The following SYCP2L variants were observed in gnomAD, a reference collection of about 807,000 sequenced individuals.
The protein encoded by SYCP2L is synaptonemal complex protein 2-like.
Under a neutral mutation model 125.8 loss-of-function variants are expected in SYCP2L, and 98 were observed. The observed-to-expected ratio is 0.78, with a 90% CI of 0.66 to 0.92. The LOEUF (loss-of-function observed/expected upper bound fraction) is 0.92. SYCP2L is among the 40% of genes least tolerant of loss of function. The pLI is 0.00. For synonymous variants in SYCP2L, 317 were observed against 325.4 expected (o/e 0.97, Z 0.28); for missense variants, 842 against 936.4 (o/e 0.90, Z 1.32).
At chr6:10,964,983 G>A (rs1262919395) in intron 29 of SYCP2L, among the ~76,000 whole-genome samples, 9 of 152,202 alleles carry the variant, frequency 5.9e-5, no homozygotes, top group Non-Finnish European at 8.8e-5. Context: ...GACTCTCAAC[G>A]AGGTAAGACT....
At chr6:10,943,947 C>G (rs921894204) in intron 23 of SYCP2L, among the ~76,000 whole-genome samples, 1 of 152,062 alleles carries the variant, frequency 6.6e-6, no homozygotes, top group Non-Finnish European at 1.5e-5. Context: ...AAAATCCATT[C>G]CAGTGCTGTG....
chr6:10,956,728 G>C (rs1781508174), intron 25 of SYCP2L, among the ~76,000 whole-genome samples: 1 of 152,180 alleles, frequency 6.6e-6, no homozygotes, highest in African/African-American at 2.4e-5. Flanking sequence ...CTCCCAAAGT[G>C]CTGAGATTAC....
At position 10,903,314 on chromosome 6, in the gene SYCP2L, C is replaced by T. The variant is rs1005794482; in HGVS notation, c.641+351C>T. Among the ~76,000 whole-genome samples, 14 of 152,094 alleles carry T rather than the reference C, an allele frequency of 9.2e-5. No individual in the cohort carries two copies. The East Asian group carries it at 2.3e-3, about 25-fold the overall frequency. ...CTGTAATCCCAGCGCTTTGGGAGGC[C>T]AAGGCGGGTGGATCACGAGGTCAGG... On this transcript the variant is annotated intron_variant, in intron 8 of 29. Coordinates refer to ENST00000283141, the MANE Select transcript of SYCP2L (RefSeq NM_001040274.3).
chr6:10,959,194 A>C (rs539751017), intron 26 of SYCP2L, among the ~76,000 whole-genome samples: 70 of 152,376 alleles, frequency 4.6e-4, no homozygotes, highest in African/African-American at 1.6e-3. Flanking sequence ...TGCTATATCC[A>C]TACAATGGTC....
intron 14 of SYCP2L, among the ~76,000 whole-genome samples, chr6:10,916,615 A>G (rs1780699005): frequency 6.6e-6 from 1 of 152,080 alleles, no homozygotes; most frequent in Non-Finnish European, 1.5e-5. Context: ...ATTTCCATGT[A>G]TTTGCATGGT....
chr6:10,967,181 T>TA, intron 29 of SYCP2L, among the ~76,000 whole-genome samples: 1 of 152,210 alleles, frequency 6.6e-6, no homozygotes, highest in Admixed American at 6.5e-5. Context: ...CCTTAATTTA[T>TA]AAAAAATACA....
Position 10,902,911 on chromosome 6 carries a change from C to T in SYCP2L, c.589C>T (p.Pro197Ser). ...TTTTAACTGCATTTTGCACGCTGTC[C>T]CTCGAGAAGAGAGAAAAAAATTCCC... ...KTFNCILHAV[P>S]REERKKFPLS... Residue 197 changes from proline (P) to serine (S), a missense_variant, in exon 8 of 30, where the codon CCT becomes TCT. Transcript: ENST00000283141. 6.2e-7 allele frequency: 1 copy of T among 1,614,076 alleles called. No individual in the cohort carries two copies.
chr6:10,939,392 A>C (rs146383917), intron 21 of SYCP2L, among the ~76,000 whole-genome samples: 2,834 of 152,318 alleles, frequency 0.019, 92 homozygotes, highest in African/African-American at 0.065. Flanking sequence ...ATTTATATGG[A>C]ACCACAAAAG....
At position 10,889,871 on chromosome 6, in the gene SYCP2L, C is replaced by T. The variant is rs1229087332; in HGVS notation, c.10-1642C>T. Among the ~76,000 whole-genome samples, 7 of 152,178 alleles carry T rather than the reference C, an allele frequency of 4.6e-5. No individual in the cohort carries two copies. In the East Asian group the frequency reaches 5.8e-4, roughly 13 times the overall value. On this transcript the variant is annotated intron_variant, in intron 1 of 29. Transcript: ENST00000283141. ...CTGACCTCAGGTGATCCACCCACCT[C>T]GGCCACCCAAAGTGCTGGGATTACA...
intron 21 of SYCP2L, among the ~76,000 whole-genome samples, chr6:10,937,346 A>G (rs936304741): frequency 6.6e-6 from 1 of 152,238 alleles, no homozygotes; most frequent in African/African-American, 2.4e-5. Flanking sequence ...CCGAATAACC[A>G]ATGGATCAAA....
In SYCP2L at chr6:10,898,145, A is replaced by G. The variant is rs115148455; in HGVS notation, c.441+30A>G. ...GGATGGGATGGATGCTTCACTGAGC[A>G]GATGCCATTGGTAATTGGCAGGAAT... On this transcript the variant is annotated intron_variant, in intron 5 of 29. Coordinates refer to ENST00000283141, the MANE Select transcript of SYCP2L (RefSeq NM_001040274.3). 5,248 of 1,453,260 alleles carry G rather than the reference A, an allele frequency of 3.6e-3. 166 individuals are homozygous for G. In the African/African-American group the frequency reaches 0.063, roughly 17 times the overall value. 90.0% of individuals were successfully genotyped at this position (1,453,260 alleles called of 1,614,324 possible).
At chr6:10,972,566 A>G (rs1394471736) in intron 29 of SYCP2L, among the ~76,000 whole-genome samples, 1 of 152,134 alleles carries the variant, frequency 6.6e-6, no homozygotes, top group East Asian at 1.9e-4. Flanking sequence ...GTGACTTGGG[A>G]ATTTTATAAT....
intron 23 of SYCP2L, among the ~76,000 whole-genome samples, chr6:10,948,316 T>C (rs942701004): frequency 2.6e-5 from 4 of 152,156 alleles, no homozygotes; most frequent in African/African-American, 7.2e-5. Context: ...ACTGAAAGTT[T>C]ATGCCTTTTG....
In SYCP2L at chr6:10,912,785, G is replaced by A; in HGVS notation, c.1011+20G>A. ...GCTGAGGTAATGATGTTCGATTCTT[G>A]GTTAGAACTAAGCCTTTAGAGATCT... On this transcript the variant is annotated intron_variant, in intron 13 of 29. Transcript: ENST00000283141. This position sits in a 1 kb window ranked among gnomAD's most constrained non-coding sequence, Gnocchi z 4.1. 6.2e-7 allele frequency: 1 copy of A among 1,609,746 alleles called. No homozygotes were observed. Among genetic ancestry groups the A allele is most frequent in the Non-Finnish European group, 8.5e-7 (1 of 1,176,462 alleles).
At chr6:10,888,546 C>T (rs1312379059) in intron 1 of SYCP2L, among the ~76,000 whole-genome samples, 1 of 152,116 alleles carries the variant, frequency 6.6e-6, no homozygotes, top group Non-Finnish European at 1.5e-5. Flanking sequence ...TTTCTGTGTA[C>T]TAGAGTGGCT....
At chr6:10,888,191 G>A (rs1188057854) in intron 1 of SYCP2L, among the ~76,000 whole-genome samples, 2 of 142,194 alleles carry the variant, frequency 1.4e-5, no homozygotes, top group Non-Finnish European at 3.0e-5. Context: ...CTGCCTCCCG[G>A]GTTCAAGCGA....
chr6:10,912,830 T>A lies in SYCP2L; in HGVS notation c.1012-37T>A. On this transcript the variant is annotated intron_variant, in intron 13 of 29. Coordinates refer to ENST00000283141, the MANE Select transcript of SYCP2L (RefSeq NM_001040274.3). The surrounding 1 kb of genome is among the most constrained non-coding windows in gnomAD (Gnocchi z 4.1). ...AGATCTTTTTTATGTAAGTATGTGT[T>A]TTGCACTCATGAATTTCACTTATTT... 6.2e-7 allele frequency: 1 copy of A among 1,611,120 alleles called. No individual in the cohort carries two copies. The highest frequency in any genetic ancestry group is 8.5e-7 in the Non-Finnish European group (1 of 1,177,568).
At chr6:10,944,637 C>CT (rs1299309205) in intron 23 of SYCP2L, among the ~76,000 whole-genome samples, 2 of 152,018 alleles carry the variant, frequency 1.3e-5, no homozygotes, top group Non-Finnish European at 2.9e-5. Flanking sequence ...CCATTTCTCT[C>CT]TAAGTACTGC....
At chr6:10,897,955 T>G (rs1240579894) in intron 4 of SYCP2L, 56 bp from the exon 5 acceptor site, 1 of 1,133,440 alleles carries the variant, frequency 8.8e-7, no homozygotes, top group Non-Finnish European at 1.3e-6. Context: ...TTGTGCAATT[T>G]TATTGAATAG....
Sources: gnomAD v4.1 joint callset for allele counts (sites outside exome capture counted in the v4.1 genomes callset) on GRCh38, gnomAD v4.1.1 for gene constraint, Gnocchi (gnomAD v3.1) non-coding constraint, MANE v1.5 for transcripts, NCBI Gene and HGNC (gene_info 2026-07-23, HGNC 2026-07-21) for gene names.